KIF26B: variants seen among roughly 807,000 people sequenced by gnomAD.
KIF26B encodes kinesin-like protein KIF26B.
A neutral mutation model predicts 151.2 loss-of-function variants in KIF26B; 63 were observed. The observed-to-expected ratio is 0.42, with a 90% confidence interval of 0.34 to 0.51. KIF26B has a LOEUF of 0.51. Ranked by LOEUF, KIF26B falls within the 20% of genes least tolerant of loss-of-function variation. The pLI is 0.07. For missense variants in KIF26B, 2,813 were observed against 2,913.6 expected, an observed-to-expected ratio of 0.97 and a Z score of 0.79; for synonymous variants, 1,357 against 1,262.1, an observed-to-expected ratio of 1.08 and a Z score of -1.59.
chr1:245,297,445 G>T (rs1304865709), intron 2 of KIF26B, among the ~76,000 whole-genome samples: 2 of 152,220 alleles, frequency 1.3e-5, no homozygotes, highest in African/African-American at 2.4e-5. Context: ...CAGCCAAGTG[G>T]AAGGCAGAGG....
chr1:245,622,029 G>A (rs576759069), intron 9 of KIF26B, among the ~76,000 whole-genome samples: 1 of 152,298 alleles, frequency 6.6e-6, no homozygotes, highest in African/African-American at 2.4e-5. Flanking sequence ...GTCAGAATTG[G>A]TCTCTGTCTT....
At chr1:245,558,290 G>C (rs546759617) in intron 5 of KIF26B, among the ~76,000 whole-genome samples, 12 of 152,306 alleles carry the variant, frequency 7.9e-5, no homozygotes, top group African/African-American at 2.9e-4. Context: ...GGCTGCAGGG[G>C]GCTGGCTCCC....
intron 5 of KIF26B, among the ~76,000 whole-genome samples, chr1:245,588,868 G>A (rs1178847129): frequency 5.3e-5 from 8 of 152,042 alleles, no homozygotes; most frequent in Non-Finnish European, 4.4e-5. Flanking sequence ...AAAGAATTGG[G>A]GTAACTGTGG....
chr1:245,567,455 C>G (rs1053778874), intron 5 of KIF26B, among the ~76,000 whole-genome samples: 5 of 152,188 alleles, frequency 3.3e-5, no homozygotes, highest in African/African-American at 1.2e-4. Flanking sequence ...CTTCCGAGCA[C>G]CCTTCACCCC....
At chr1:245,294,438 T>C (rs2102974742) in intron 2 of KIF26B, among the ~76,000 whole-genome samples, 1 of 152,308 alleles carries the variant, frequency 6.6e-6, no homozygotes, top group East Asian at 1.9e-4. Context: ...AATAATTCCT[T>C]TCCTTTTTCT....
chr1:245,213,263 G>A (rs757421890), intron 2 of KIF26B, among the ~76,000 whole-genome samples: 4 of 152,148 alleles, frequency 2.6e-5, no homozygotes, highest in Non-Finnish European at 5.9e-5. Flanking sequence ...GCCTGGAGAG[G>A]GGCCACATGA....
intron 3 of KIF26B, chr1:245,371,343 T>G (rs567229759): frequency 1.3e-5 from 2 of 152,312 alleles, no homozygotes; most frequent in East Asian, 3.9e-4. Flanking sequence ...TCTAGCCAGC[T>G]CGTCAGAGAC....
intron 2 of KIF26B, among the ~76,000 whole-genome samples, chr1:245,246,866 A>AACACAC (rs10623091): frequency 0.05 from 7,201 of 143,868 alleles, 203 homozygotes; most frequent in East Asian, 0.074. Context: ...GTAAGGGCAG[A>AACACAC]ACACACACAC....
intron 10 of KIF26B, among the ~76,000 whole-genome samples, chr1:245,649,342 T>C (rs2043988843): frequency 6.6e-6 from 1 of 152,198 alleles, no homozygotes; most frequent in African/African-American, 2.4e-5. Flanking sequence ...TTCAGAGGCC[T>C]CGACAGTTCC....
At chr1:245,403,094 C>T (rs1358465588) in intron 3 of KIF26B, among the ~76,000 whole-genome samples, 2 of 151,792 alleles carry the variant, frequency 1.3e-5, no homozygotes, top group African/African-American at 4.8e-5. Flanking sequence ...TCAGCCTCCC[C>T]AGTAGCTGGG....
intron 2 of KIF26B, among the ~76,000 whole-genome samples, chr1:245,312,000 A>G (rs1003169390): frequency 1.3e-5 from 2 of 152,246 alleles, no homozygotes; most frequent in Non-Finnish European, 2.9e-5. Context: ...GGTTTTATGC[A>G]TATCAGATTG....
At chr1:245,674,607 C>T (rs1317238466) in intron 10 of KIF26B, among the ~76,000 whole-genome samples, 2 of 152,130 alleles carry the variant, frequency 1.3e-5, no homozygotes, top group South Asian at 2.1e-4. Context: ...ACTAATTCAC[C>T]TTCTAAGTTG....
chr1:245,446,764 T>C (rs988261708), intron 4 of KIF26B, among the ~76,000 whole-genome samples: 4 of 152,214 alleles, frequency 2.6e-5, no homozygotes, highest in African/African-American at 9.6e-5. Flanking sequence ...AGGGGTCTGA[T>C]ACAATTATAA....
intron 10 of KIF26B, among the ~76,000 whole-genome samples, chr1:245,672,014 C>G (rs150733038): frequency 6.6e-6 from 1 of 151,844 alleles, no homozygotes; most frequent in African/African-American, 2.4e-5. Context: ...AATCATCTTT[C>G]TTGTCACCAT....
intron 4 of KIF26B, among the ~76,000 whole-genome samples, chr1:245,470,153 C>G (rs1051003868): frequency 6.6e-6 from 1 of 151,926 alleles, no homozygotes. Flanking sequence ...GAAGATGGGT[C>G]TGATTGGAGG....
Position 245,195,491 on chromosome 1 carries a change from G to T in KIF26B, c.465+38808G>T, listed in dbSNP as rs140609575. On this transcript the variant is annotated intron_variant, in intron 2 of 14. Coordinates refer to ENST00000407071, the MANE Select transcript of KIF26B (RefSeq NM_018012.4). ...ACATTGCTTGAATTCCTTGGGAGACGTGGGTCACATAAACAGGAGCCTGTG... is the reference window on the plus strand; with the variant it reads ...ACATTGCTTGAATTCCTTGGGAGACTTGGGTCACATAAACAGGAGCCTGTG... 7.0e-4 allele frequency among the ~76,000 whole-genome samples: 106 copies of T among 152,302 alleles called. 2 individuals carry two copies. In the South Asian group the frequency reaches 0.021, roughly 31 times the overall value.
In KIF26B at chr1:245,155,349, G is replaced by A. The variant is rs867476545; in HGVS notation, c.-76G>A. The A allele has an allele frequency of 1.1e-4, 134 of 1,239,144 alleles. No individual in the cohort carries two copies. The highest frequency in any genetic ancestry group is 3.7e-4 in the Middle Eastern group (2 of 5,360). The allele number at this position is 1,239,144 out of a possible 1,614,324, so 76.8% of individuals were successfully genotyped here. Reference sequence around the variant, plus strand: ...GAGAGCCAGCCCCCTGCAGCCGGGGGACGCTTCTGGGTTGGAGGACCTTCT... The same window carrying A: ...GAGAGCCAGCCCCCTGCAGCCGGGGAACGCTTCTGGGTTGGAGGACCTTCT... On this transcript the variant is annotated 5_prime_UTR_variant, in exon 1 of 15. Transcript: ENST00000407071.
chr1:245,476,729 G>C (rs1353350931), intron 4 of KIF26B, among the ~76,000 whole-genome samples: 2 of 151,502 alleles, frequency 1.3e-5, no homozygotes, highest in Non-Finnish European at 3.0e-5. Context: ...GTTTCACCAT[G>C]TTGCCCAGGC....
chr1:245,253,032 C>T lies in KIF26B; in HGVS notation c.465+96349C>T, dbSNP rs569287643. 1.0e-4 allele frequency among the ~76,000 whole-genome samples: 14 copies of T among 135,312 alleles called. No individual in the cohort carries two copies. The East Asian group carries it at 1.7e-3, about 16-fold the overall frequency. The allele number at this position is 135,312 out of a possible 152,430, so 88.8% of individuals were successfully genotyped here. On this transcript the variant is annotated intron_variant, in intron 2 of 14. Transcript: ENST00000407071. The stretch of plus-strand genomic sequence containing the variant: ...TAATTTTTTTTTTTTTTTTTTGAGA[C>T]GGAGTCTTGCTGTGTCGCTCAGGCT...
Sources: allele counts gnomAD v4.1 joint callset (sites outside exome capture counted in the v4.1 genomes callset), GRCh38; gene constraint gnomAD v4.1.1; transcripts MANE v1.5; gene names NCBI Gene and HGNC (gene_info 2026-07-23, HGNC 2026-07-21).